The following SASH1 variants were observed in gnomAD, a reference collection of about 807,000 sequenced individuals.
SASH1 encodes SAM and SH3 domain-containing protein 1.
In SASH1, 44 loss-of-function variants were observed where a neutral mutation model predicts 125.2. That is an observed-to-expected ratio of 0.35 (90% CI 0.28 to 0.45). SASH1 has a LOEUF of 0.45. SASH1 is among the 20% of genes least tolerant of loss of function. The pLI, the probability that SASH1 is intolerant of heterozygous loss-of-function variation, is 1.00. For missense variants in SASH1, 1,426 were observed against 1,614.5 expected, an observed-to-expected ratio of 0.88 and a Z score of 2.00; for synonymous variants, 639 against 649.1, an observed-to-expected ratio of 0.98 and a Z score of 0.24.
intron 7 of SASH1, among the ~76,000 whole-genome samples, chr6:148,484,468 A>C (rs1778756450): frequency 6.6e-6 from 1 of 152,220 alleles, no homozygotes; most frequent in African/African-American, 2.4e-5. Context: ...ATTATAATTA[A>C]ACCAAAACTT....
At chr6:148,432,515 A>G (rs767793452) in intron 2 of SASH1, among the ~76,000 whole-genome samples, 1 of 152,224 alleles carries the variant, frequency 6.6e-6, no homozygotes, top group Non-Finnish European at 1.5e-5. Flanking sequence ...CAGTAGTAGC[A>G]TGTGGCATTT....
chr6:148,213,133 T>TA, the SASH1 span, among the ~76,000 whole-genome samples: 1 of 152,214 alleles, frequency 6.6e-6, no homozygotes, highest in Non-Finnish European at 1.5e-5. Flanking sequence ...AATGCTGAGT[T>TA]AGAGTGAAAT....
intron 2 of SASH1, among the ~76,000 whole-genome samples, chr6:148,397,446 T>C (rs916301643): frequency 2.0e-5 from 3 of 152,168 alleles, no homozygotes; most frequent in Non-Finnish European, 4.4e-5. Context: ...GATCGCACTA[T>C]TGCACTGCAG....
chr6:148,222,900 T>C, the SASH1 span, among the ~76,000 whole-genome samples: 1 of 152,198 alleles, frequency 6.6e-6, no homozygotes, highest in Non-Finnish European at 1.5e-5. Context: ...GGCTTCTGTT[T>C]CTGACTGTGT....
At chr6:148,321,965 T>C (rs1332868670) in intron 1 of SASH1, among the ~76,000 whole-genome samples, 2 of 152,330 alleles carry the variant, frequency 1.3e-5, no homozygotes, top group South Asian at 4.1e-4. Flanking sequence ...TACATATACA[T>C]TTATTAAAAT....
In SASH1 at chr6:148,544,773, G is replaced by T; in HGVS notation, c.3303G>T (p.Leu1101=). The T allele has an allele frequency of 1.2e-6, 2 of 1,603,338 alleles. No individual in the cohort carries two copies. Among genetic ancestry groups the T allele is most frequent in the South Asian group, 1.1e-5 (1 of 89,218 alleles). ...TAGAAACGCTCACTGAAAACAAGCT[G>T]CACGCTGAAGGCATCGATCTCACGG... ...VDLETLTENK[L]HAEGIDLTEE... The change falls in exon 18 of 20, where the codon CTG becomes CTT. Residue 1101 remains leucine, a synonymous_variant. Coordinates refer to ENST00000367467, the MANE Select transcript of SASH1 (RefSeq NM_015278.5). This position sits in a 1 kb window ranked among gnomAD's most constrained non-coding sequence, Gnocchi z 6.4.
intron 4 of SASH1, among the ~76,000 whole-genome samples, chr6:148,462,346 C>T (rs930371011): frequency 6.6e-6 from 1 of 150,654 alleles, no homozygotes; most frequent in Non-Finnish European, 1.5e-5. Context: ...GACAGCTCAT[C>T]AAAGCCAAAA....
intron 8 of SASH1, among the ~76,000 whole-genome samples, chr6:148,507,992 A>G (rs547597251): frequency 7.9e-5 from 12 of 152,352 alleles, no homozygotes; most frequent in Admixed American, 3.9e-4. Context: ...AAGTAACAGC[A>G]TGTGCCTAGT....
chr6:148,364,530 G>A (rs986909528), intron 1 of SASH1, among the ~76,000 whole-genome samples: 3 of 152,164 alleles, frequency 2.0e-5, no homozygotes, highest in Non-Finnish European at 2.9e-5. Flanking sequence ...AAGTTGAAAC[G>A]TGAAAGTTGC....
In SASH1 at chr6:148,551,420, G is replaced by A. The variant is rs1239677003; in HGVS notation, c.*2862G>A. The A allele has an allele frequency of 6.6e-6, 1 of 152,612 alleles. No individual in the cohort carries two copies. Among genetic ancestry groups the A allele is most frequent in the East Asian group, 1.9e-4 (1 of 5,204 alleles). The allele number at this position is 152,612 out of a possible 1,614,324, so 9.5% of individuals were successfully genotyped here. ...TGTGTATGATTTTCACTTCAAAGCTGTCTGGAAGGAAATGCAGTCAGCTCC... is the reference window on the plus strand; with the variant it reads ...TGTGTATGATTTTCACTTCAAAGCTATCTGGAAGGAAATGCAGTCAGCTCC... On this transcript the variant is annotated 3_prime_UTR_variant, in exon 20 of 20. Transcript: ENST00000367467.
intron 7 of SASH1, among the ~76,000 whole-genome samples, chr6:148,481,716 G>A (rs1206594411): frequency 6.6e-6 from 1 of 152,136 alleles, no homozygotes; most frequent in Non-Finnish European, 1.5e-5. Flanking sequence ...TATATGTTTA[G>A]GTTCATGGCT....
chr6:148,330,969 C>A lies in SASH1; in HGVS notation n.74+58592C>A, dbSNP rs555996380. 2.0e-5 allele frequency among the ~76,000 whole-genome samples: 3 copies of A among 152,190 alleles called. No individual in the cohort carries two copies. In the East Asian group the frequency reaches 5.8e-4, roughly 29 times the overall value. On this transcript the variant is annotated intron_variant and non_coding_transcript_variant, in intron 1 of 3. Coordinates refer to the SASH1 transcript ENST00000367469. ...TAAAGATCATTTCCCTCAGTGTTTC[C>A]TTTTTTTCTTCTCCTAAGTGTCGGG...
intron 17 of SASH1, among the ~76,000 whole-genome samples, chr6:148,542,937 T>G (rs1267793196): frequency 6.6e-6 from 1 of 152,054 alleles, no homozygotes; most frequent in East Asian, 1.9e-4. Context: ...GTCTGGCCCA[T>G]GAATTGTAAG....
At chr6:148,372,851 C>G (rs1782750239) in intron 1 of SASH1, among the ~76,000 whole-genome samples, 1 of 152,080 alleles carries the variant, frequency 6.6e-6, no homozygotes, top group African/African-American at 2.4e-5. Flanking sequence ...ACAATGAAAA[C>G]CTACACAAAT....
chr6:148,274,261 C>A (rs1189688848), intron 1 of SASH1, among the ~76,000 whole-genome samples: 1 of 152,128 alleles, frequency 6.6e-6, no homozygotes, highest in African/African-American at 2.4e-5. Flanking sequence ...CAGATGGACT[C>A]ATCAAAAATC....
At chr6:148,387,600 CTT>C in intron 1 of SASH1, among the ~76,000 whole-genome samples, 1 of 12,992 alleles carries the variant, frequency 7.7e-5, no homozygotes. Context: ...TTCTTTCTTT[CTT>C]TCTTTCTTTC....
In SASH1 at chr6:148,438,314, T is replaced by A. The variant is rs377108851; in HGVS notation, c.286-1870T>A. ...CTCTATGTGAGGCTGAAAGGTTAGG[T>A]CCTGGAAAATTGTGATTGGTCTGTA... On this transcript the variant is annotated intron_variant, in intron 2 of 19. Coordinates refer to ENST00000367467, the MANE Select transcript of SASH1 (RefSeq NM_015278.5). Among the ~76,000 whole-genome samples, 43 of 152,334 alleles carry A rather than the reference T, an allele frequency of 2.8e-4. 2 individuals are homozygous for A. Among genetic ancestry groups the A allele is most frequent in the African/African-American group, 9.1e-4 (38 of 41,582 alleles).
rs146226559 is a variant in SASH1 at position 148,317,549 on chromosome 6, C to T, written n.74+45172C>T. Reference sequence around the variant, plus strand: ...AAGCGATTCTCCTGCCTCAGCCTCCCGAGTAGCTGGGATTACAGGCATGTG... The same window carrying T: ...AAGCGATTCTCCTGCCTCAGCCTCCTGAGTAGCTGGGATTACAGGCATGTG... On this transcript the variant is annotated intron_variant and non_coding_transcript_variant, in intron 1 of 3. Transcript: ENST00000367469. Among the ~76,000 whole-genome samples the T allele has an allele frequency of 6.7e-4, 102 of 152,304 alleles. 1 individual carries two copies. Among genetic ancestry groups the T allele is most frequent in the African/African-American group, 2.3e-3 (97 of 41,576 alleles).
chr6:148,250,572 T>A, the SASH1 span, among the ~76,000 whole-genome samples: 1 of 141,368 alleles, frequency 7.1e-6, no homozygotes, highest in Admixed American at 7.1e-5. Flanking sequence ...GCCTTAGTCT[T>A]AAAAAAAAAA....
Sources: gnomAD v4.1 joint callset for allele counts (sites outside exome capture counted in the v4.1 genomes callset) on GRCh38, gnomAD v4.1.1 for gene constraint, Gnocchi (gnomAD v3.1) non-coding constraint, MANE v1.5 for transcripts, NCBI Gene and HGNC (gene_info 2026-07-23, HGNC 2026-07-21) for gene names.